The following IQGAP2 variants were observed in gnomAD, a reference collection of about 807,000 sequenced individuals.
IQGAP2 encodes ras GTPase-activating-like protein IQGAP2.
IQGAP2 carries 173 observed loss-of-function variants against 201.3 expected under a neutral mutation model. The ratio of observed to expected loss-of-function variants is 0.86; its 90% CI spans 0.76 to 0.98. The LOEUF (loss-of-function observed/expected upper bound fraction) is 0.98. IQGAP2 is among the 50% of genes least tolerant of loss of function. The pLI is 0.00. For missense variants in IQGAP2, 1,687 were observed against 1,864.8 expected (o/e 0.90, Z 1.76); for synonymous variants, 675 against 673.9 (o/e 1.00, Z -0.03).
At chr5:76,680,914 G>A (rs536915393) in intron 28 of IQGAP2, among the ~76,000 whole-genome samples, 3 of 151,512 alleles carry the variant, frequency 2.0e-5, no homozygotes, top group Admixed American at 6.6e-5. Flanking sequence ...AGACCAGCCT[G>A]GCCAACATGG....
At chr5:76,425,531 AC>A (rs1385639950) in intron 1 of IQGAP2, among the ~76,000 whole-genome samples, 6 of 152,174 alleles carry the variant, frequency 3.9e-5, no homozygotes, top group African/African-American at 1.2e-4. Context: ...CGGGGAAAGG[AC>A]TGAAAGGAAA....
At position 76,549,236 on chromosome 5, in the gene IQGAP2, A is replaced by AGACTCAGAT. The variant is rs375299196; in HGVS notation, c.147-13159_147-13151dup. On this transcript the variant is annotated intron_variant, in intron 2 of 35. Coordinates refer to ENST00000274364, the MANE Select transcript of IQGAP2 (RefSeq NM_006633.5). ...TATCCCATTTTGTAGATTAGGAAACAGACTCAGATTAATTCAGTTACCCAA... is the reference window on the plus strand; with the variant it reads ...TATCCCATTTTGTAGATTAGGAAACAGACTCAGATGACTCAGATTAATTCAGTTACCCAA... Among the ~76,000 whole-genome samples the AGACTCAGAT allele has an allele frequency of 8.5e-3, 1,299 of 152,248 alleles. 30 individuals are homozygous for AGACTCAGAT. The highest frequency in any genetic ancestry group is 0.03 in the African/African-American group (1,250 of 41,526).
chr5:76,422,644 G>A (rs773171015), intron 1 of IQGAP2, among the ~76,000 whole-genome samples: 9 of 152,252 alleles, frequency 5.9e-5, no homozygotes, highest in Admixed American at 1.3e-4. Context: ...TCTTAACCCC[G>A]AGTCTCTGGT....
chr5:76,554,711 A>C (rs947007161), intron 2 of IQGAP2, among the ~76,000 whole-genome samples: 12 of 152,178 alleles, frequency 7.9e-5, no homozygotes, highest in African/African-American at 2.9e-4. Context: ...GCTGGTGAGA[A>C]TGGGAAGTGG....
chr5:76,580,284 G>GA (rs57363971), intron 5 of IQGAP2, among the ~76,000 whole-genome samples: 137 of 121,562 alleles, frequency 1.1e-3, no homozygotes, highest in Admixed American at 3.0e-3. Flanking sequence ...TCAATTAAAA[G>GA]AAAAAAAAAA....
At chr5:76,424,242 C>T (rs981441506) in intron 1 of IQGAP2, among the ~76,000 whole-genome samples, 2 of 152,140 alleles carry the variant, frequency 1.3e-5, no homozygotes, top group Non-Finnish European at 2.9e-5. Flanking sequence ...TTTATTTTCC[C>T]TTTACCCAAT....
intron 2 of IQGAP2, among the ~76,000 whole-genome samples, chr5:76,535,324 T>TAAA (rs916741874): frequency 6.7e-6 from 1 of 148,768 alleles, no homozygotes; most frequent in African/African-American, 2.5e-5. Context: ...TTTGAAAGTA[T>TAAA]AAAAAAAAAA....
intron 35 of IQGAP2, among the ~76,000 whole-genome samples, chr5:76,704,417 T>C (rs3797452): frequency 0.32 from 49,103 of 152,118 alleles, 8,075 homozygotes; most frequent in Non-Finnish European, 0.35. Context: ...AGTACTGGTA[T>C]AAAAACCAAG....
intron 1 of IQGAP2, among the ~76,000 whole-genome samples, chr5:76,406,813 CTG>C (rs978619037): frequency 4.1e-5 from 5 of 122,666 alleles, no homozygotes; most frequent in African/African-American, 1.4e-4. Context: ...TAGGCAAGAA[CTG>C]TGGTTTTCTA....
At chr5:76,531,760 T>A (rs1359731101) in intron 2 of IQGAP2, among the ~76,000 whole-genome samples, 1 of 152,254 alleles carries the variant, frequency 6.6e-6, no homozygotes, top group Non-Finnish European at 1.5e-5. Context: ...CCCTGTCTCC[T>A]CCACTCAATA....
chr5:76,685,695 G>T (rs113347935), intron 30 of IQGAP2, among the ~76,000 whole-genome samples: 1 of 123,376 alleles, frequency 8.1e-6, no homozygotes, highest in East Asian at 2.0e-4. Context: ...GCTCTCCCCC[G>T]TCCCCCCCAG....
chr5:76,504,115 G>T (rs557268579), intron 2 of IQGAP2, among the ~76,000 whole-genome samples: 1 of 152,182 alleles, frequency 6.6e-6, no homozygotes, highest in Non-Finnish European at 1.5e-5. Context: ...AGAGCATAGC[G>T]TGCTAACAAA....
At chr5:76,478,700 G>A (rs1580279134) in intron 2 of IQGAP2, among the ~76,000 whole-genome samples, 1 of 152,310 alleles carries the variant, frequency 6.6e-6, no homozygotes, top group Admixed American at 6.5e-5. Context: ...CTGTATGGGT[G>A]TGTAGCCCAG....
chr5:76,541,404 A>T (rs1250248659), intron 2 of IQGAP2, among the ~76,000 whole-genome samples: 7 of 152,050 alleles, frequency 4.6e-5, no homozygotes, highest in Admixed American at 4.6e-4. Context: ...GTATGGATAT[A>T]TACCACATTT....
At chr5:76,686,635 A>T (rs780304486) in intron 30 of IQGAP2, among the ~76,000 whole-genome samples, 1 of 151,904 alleles carries the variant, frequency 6.6e-6, no homozygotes, top group Non-Finnish European at 1.5e-5. Context: ...TCAGCCTCCC[A>T]AGTAGCTGGG....
intron 11 of IQGAP2, among the ~76,000 whole-genome samples, chr5:76,602,167 C>A (rs1747471392): frequency 6.6e-6 from 1 of 152,222 alleles, no homozygotes; most frequent in East Asian, 1.9e-4. Flanking sequence ...ACTTAGACTT[C>A]TCACTTTTGC....
intron 2 of IQGAP2, among the ~76,000 whole-genome samples, chr5:76,517,053 G>A (rs1221441443): frequency 3.9e-5 from 6 of 152,076 alleles, no homozygotes; most frequent in African/African-American, 9.7e-5. Context: ...GCTATCAAAA[G>A]AAAACCAGGA....
intron 17 of IQGAP2, among the ~76,000 whole-genome samples, chr5:76,646,655 G>A (rs943370284): frequency 1.3e-5 from 2 of 152,106 alleles, no homozygotes; most frequent in Admixed American, 6.6e-5. Context: ...TACTGCAAAA[G>A]CATTTGATAG....
intron 1 of IQGAP2, among the ~76,000 whole-genome samples, chr5:76,423,814 G>A (rs576951869): frequency 1.2e-4 from 19 of 152,164 alleles, no homozygotes; most frequent in Non-Finnish European, 2.6e-4. Flanking sequence ...TCACTGTTTA[G>A]AAGAAAGTAA....
Sources: allele counts gnomAD v4.1 joint callset (sites outside exome capture counted in the v4.1 genomes callset), GRCh38; gene constraint gnomAD v4.1.1; transcripts MANE v1.5; gene names NCBI Gene and HGNC (gene_info 2026-07-23, HGNC 2026-07-21).